The following GABRG3 variants were observed in gnomAD, a reference collection of about 807,000 sequenced individuals.
The protein encoded by GABRG3 is gamma-aminobutyric acid receptor subunit gamma-3.
GABRG3 carries 25 observed loss-of-function variants against 48.8 expected under a neutral mutation model. The observed-to-expected ratio is 0.51, with a 90% confidence interval of 0.37 to 0.72. The LOEUF is 0.72. Ranked by LOEUF, GABRG3 falls within the 30% of genes least tolerant of loss-of-function variation. The pLI is 0.00. For synonymous variants in GABRG3, 227 were observed against 217.6 expected (o/e 1.04, Z -0.38); for missense variants, 394 against 577.9 (o/e 0.68, Z 3.26).
intron 5 of GABRG3, among the ~76,000 whole-genome samples, chr15:27,357,227 C>T (rs972878527): frequency 1.3e-5 from 2 of 152,204 alleles, no homozygotes; most frequent in Admixed American, 1.3e-4. Context: ...CCTCCCTGTT[C>T]TGCCAGTGGA....
chr15:27,469,996 G>A (rs1024229327), intron 5 of GABRG3, among the ~76,000 whole-genome samples: 19 of 152,182 alleles, frequency 1.2e-4, no homozygotes, highest in African/African-American at 4.6e-4. Context: ...ACGCTGTGAA[G>A]TGGCATATTC....
chr15:27,381,778 G>T (rs532327553), intron 5 of GABRG3, among the ~76,000 whole-genome samples: 122 of 152,258 alleles, frequency 8.0e-4, no homozygotes, highest in African/African-American at 2.5e-3. Flanking sequence ...TTTCTTATAC[G>T]TAGGATCCAA....
At chr15:27,357,815 A>G (rs1322216897) in intron 5 of GABRG3, among the ~76,000 whole-genome samples, 1 of 152,186 alleles carries the variant, frequency 6.6e-6, no homozygotes, top group Non-Finnish European at 1.5e-5. Context: ...ATCACATCAA[A>G]CTCAACAACT....
rs191984094 is a variant in GABRG3 at position 27,218,810 on chromosome 15, C to A, written c.271-107999C>A. ...GATGGTAATGGGTGGTGACCGTGGC[C>A]AGGTCACCTTCCAGAGGAGTCTGCC... On this transcript the variant is annotated intron_variant, in intron 3 of 9. Transcript: ENST00000615808. Among the ~76,000 whole-genome samples, 111 of 152,280 alleles carry A rather than the reference C, an allele frequency of 7.3e-4. No individual in the cohort carries two copies. In the East Asian group the frequency reaches 0.017, roughly 23 times the overall value.
chr15:27,402,156 A>T (rs1408673606), intron 5 of GABRG3, among the ~76,000 whole-genome samples: 1 of 152,228 alleles, frequency 6.6e-6, no homozygotes, highest in East Asian at 1.9e-4. Context: ...TATTAAAGCC[A>T]ATCCCTCTTC....
intron 5 of GABRG3, chr15:27,365,680 C>T (rs933038003): frequency 1.3e-5 from 2 of 152,102 alleles, no homozygotes; most frequent in African/African-American, 4.8e-5. Flanking sequence ...TCCCCACTAC[C>T]ATTATTTTTC....
At chr15:27,401,032 A>C (rs1300460142) in intron 5 of GABRG3, among the ~76,000 whole-genome samples, 4 of 152,220 alleles carry the variant, frequency 2.6e-5, no homozygotes, top group African/African-American at 4.8e-5. Context: ...ACTAACCTCT[A>C]ACTGAAATTT....
At chr15:27,201,893 G>A (rs1445349599) in intron 3 of GABRG3, among the ~76,000 whole-genome samples, 2 of 152,164 alleles carry the variant, frequency 1.3e-5, no homozygotes, top group African/African-American at 4.8e-5. Flanking sequence ...GAAGTTAAAA[G>A]TAGCAATTTG....
intron 6 of GABRG3, among the ~76,000 whole-genome samples, chr15:27,503,681 A>G (rs1890696313): frequency 6.6e-6 from 1 of 152,246 alleles, no homozygotes; most frequent in Non-Finnish European, 1.5e-5. Flanking sequence ...AATGCAAATT[A>G]GCTCAAGTTG....
At chr15:27,210,886 C>G (rs911012979) in intron 3 of GABRG3, among the ~76,000 whole-genome samples, 1 of 152,186 alleles carries the variant, frequency 6.6e-6, no homozygotes, top group Admixed American at 6.5e-5. Flanking sequence ...GAAATATTTT[C>G]TCCATTTCCT....
chr15:27,187,725 T>A (rs1055312752), intron 3 of GABRG3, among the ~76,000 whole-genome samples: 7 of 152,162 alleles, frequency 4.6e-5, no homozygotes, highest in South Asian at 2.1e-4. Flanking sequence ...TAATTTTTTT[T>A]ATTTTATTTT....
chr15:27,022,964 G>A (rs1321320647), intron 2 of GABRG3, among the ~76,000 whole-genome samples: 1 of 152,208 alleles, frequency 6.6e-6, no homozygotes, highest in Non-Finnish European at 1.5e-5. Flanking sequence ...CGGAGCAAAT[G>A]TGGCTGATGC....
At chr15:27,066,111 T>C (rs1896733938) in intron 3 of GABRG3, among the ~76,000 whole-genome samples, 1 of 152,198 alleles carries the variant, frequency 6.6e-6, no homozygotes, top group Admixed American at 6.5e-5. Flanking sequence ...ACATTAGATG[T>C]CTGGAAAACA....
chr15:27,380,797 A>G lies in GABRG3; in HGVS notation c.574+51909A>G, dbSNP rs1443370735. Among the ~76,000 whole-genome samples the G allele has an allele frequency of 1.1e-4, 15 of 135,924 alleles. No homozygotes were observed. The East Asian group carries it at 1.7e-3, about 15-fold the overall frequency. The allele number at this position is 135,924 out of a possible 152,430, so 89.2% of individuals were successfully genotyped here. A position where few individuals can be genotyped will look rare whatever the true frequency, so the allele number is the denominator to read the frequency against. On this transcript the variant is annotated intron_variant, in intron 5 of 9. Coordinates refer to ENST00000615808, the MANE Select transcript of GABRG3 (RefSeq NM_033223.5). Reference sequence around the variant, plus strand: ...TTTTTTTTTTGAGACAGCGAGTCTCACTCTGTTGCCCAGGCTGGAGTGCAG... The same window carrying G: ...TTTTTTTTTTGAGACAGCGAGTCTCGCTCTGTTGCCCAGGCTGGAGTGCAG...
At chr15:27,367,942 T>A (rs1438185400) in intron 5 of GABRG3, among the ~76,000 whole-genome samples, 1 of 152,102 alleles carries the variant, frequency 6.6e-6, no homozygotes, top group Non-Finnish European at 1.5e-5. Flanking sequence ...AGGGTCTTCT[T>A]CTGAAATCTC....
intron 3 of GABRG3, among the ~76,000 whole-genome samples, chr15:27,048,897 G>T (rs1464862723): frequency 1.3e-5 from 2 of 152,220 alleles, no homozygotes; most frequent in Non-Finnish European, 2.9e-5. Context: ...ATGGATGGAA[G>T]TTGGATTCTT....
chr15:27,254,409 T>C (rs1467309769), intron 3 of GABRG3, among the ~76,000 whole-genome samples: 1 of 151,948 alleles, frequency 6.6e-6, no homozygotes, highest in Non-Finnish European at 1.5e-5. Flanking sequence ...GTTAAGGGAG[T>C]TGCATTTTCT....
Position 27,193,358 on chromosome 15 carries a change from G to T in GABRG3, c.271-133451G>T, listed in dbSNP as rs572337366. ...AGAGGCAGGCAGGCCTCCTTGAGCT[G>T]TGGTGGGCTCCACCCAGTTCTAGCT... On this transcript the variant is annotated intron_variant, in intron 3 of 9. Transcript: ENST00000615808. Among the ~76,000 whole-genome samples the T allele has an allele frequency of 2.6e-4, 39 of 152,206 alleles. No homozygotes were observed. The East Asian group carries it at 6.6e-3, about 26-fold the overall frequency.
intron 3 of GABRG3, among the ~76,000 whole-genome samples, chr15:27,216,432 G>A (rs933659135): frequency 1.3e-5 from 2 of 152,204 alleles, no homozygotes; most frequent in African/African-American, 4.8e-5. Context: ...GAGTGGAGAG[G>A]GAGTGGGCAT....
Sources: gnomAD v4.1 joint callset for allele counts (sites outside exome capture counted in the v4.1 genomes callset) on GRCh38, gnomAD v4.1.1 for gene constraint, MANE v1.5 for transcripts, NCBI Gene and HGNC (gene_info 2026-07-23, HGNC 2026-07-21) for gene names.